Variants in NALF1 observed in about 807,000 individuals in gnomAD.
The protein encoded by NALF1 is NALCN channel auxiliary factor 1, also known as family with sequence similarity 155 member A.
In NALF1, 3 loss-of-function variants were observed where a neutral mutation model predicts 48.4. The observed-to-expected ratio is 0.06, with a 90% CI of 0.03 to 0.16. The LOEUF (loss-of-function observed/expected upper bound fraction) is 0.16. NALF1 is among the 10% of genes least tolerant of loss of function. The pLI, the probability that NALF1 is intolerant of heterozygous loss-of-function variation, is 1.00. For missense variants in NALF1, 526 were observed against 571.5 expected (o/e 0.92, Z 0.81); for synonymous variants, 262 against 245.7 (o/e 1.07, Z -0.62).
chr13:107,175,210 A>T (rs559913486), intron 2 of NALF1, among the ~76,000 whole-genome samples: 40 of 149,138 alleles, frequency 2.7e-4, no homozygotes, highest in African/African-American at 9.7e-4. Context: ...TTATCATCTC[A>T]AAAAGAAAAA....
intron 1 of NALF1, among the ~76,000 whole-genome samples, chr13:107,622,946 T>C (rs1427218159): frequency 1.3e-5 from 2 of 152,174 alleles, no homozygotes; most frequent in Non-Finnish European, 2.9e-5. Flanking sequence ...CAGCACCATA[T>C]AAAATTGTGG....
At chr13:107,842,990 C>G (rs995090162) in intron 1 of NALF1, among the ~76,000 whole-genome samples, 1 of 152,166 alleles carries the variant, frequency 6.6e-6, no homozygotes, top group African/African-American at 2.4e-5. Context: ...CATAGAAGCA[C>G]TCAGGCTCCA....
At chr13:107,808,155 C>T (rs929965196) in intron 1 of NALF1, among the ~76,000 whole-genome samples, 3 of 152,064 alleles carry the variant, frequency 2.0e-5, no homozygotes, top group Non-Finnish European at 4.4e-5. Flanking sequence ...GGCCGATGCA[C>T]TCACAGAAGT....
chr13:107,839,027 A>G (rs1052879201), intron 1 of NALF1, among the ~76,000 whole-genome samples: 8 of 152,086 alleles, frequency 5.3e-5, no homozygotes, highest in African/African-American at 1.9e-4. Context: ...GTTTGAGTCC[A>G]TATCTTGCCC....
chr13:107,294,252 A>G (rs1160864813), intron 1 of NALF1, among the ~76,000 whole-genome samples: 1 of 152,090 alleles, frequency 6.6e-6, no homozygotes, highest in Admixed American at 6.6e-5. Context: ...CCCAGGCACC[A>G]TTTTTTTGCT....
At chr13:107,423,244 A>C (rs1011223680) in intron 1 of NALF1, among the ~76,000 whole-genome samples, 5 of 152,210 alleles carry the variant, frequency 3.3e-5, no homozygotes, top group Non-Finnish European at 7.3e-5. Context: ...AAGGAAACTC[A>C]ATTGAAAATT....
chr13:107,840,263 G>A (rs372335674), intron 1 of NALF1, among the ~76,000 whole-genome samples: 4 of 152,192 alleles, frequency 2.6e-5, no homozygotes, highest in South Asian at 4.1e-4. Context: ...TCTATTTGAA[G>A]AGTATGTAGG....
chr13:107,453,314 C>T (rs552060266), intron 1 of NALF1, among the ~76,000 whole-genome samples: 1 of 152,336 alleles, frequency 6.6e-6, no homozygotes, highest in Admixed American at 6.5e-5. Flanking sequence ...CCAAGCATTT[C>T]CCTATATCCC....
At chr13:107,522,745 A>C (rs1876287702) in intron 1 of NALF1, among the ~76,000 whole-genome samples, 1 of 151,910 alleles carries the variant, frequency 6.6e-6, no homozygotes, top group South Asian at 2.1e-4. Flanking sequence ...CTGAGATTAC[A>C]GGTATGTGAC....
chr13:107,710,828 TAC>T (rs200253641), intron 1 of NALF1, among the ~76,000 whole-genome samples: 2,262 of 44,690 alleles, frequency 0.051, 65 homozygotes, highest in African/African-American at 0.12. Flanking sequence ...TATATACACA[TAC>T]AGAGACACGT....
At chr13:107,182,297 G>T (rs1214705660) in intron 2 of NALF1, among the ~76,000 whole-genome samples, 6 of 151,070 alleles carry the variant, frequency 4.0e-5, no homozygotes, top group African/African-American at 1.5e-4. Context: ...TTGAGACAGG[G>T]TCTGGCTCTG....
intron 1 of NALF1, among the ~76,000 whole-genome samples, chr13:107,847,876 T>C (rs987506379): frequency 6.6e-6 from 1 of 152,236 alleles, no homozygotes; most frequent in African/African-American, 2.4e-5. Context: ...TGAAAATTTG[T>C]TACACAGCAA....
At chr13:107,269,934 T>A (rs1881123294) in intron 1 of NALF1, among the ~76,000 whole-genome samples, 1 of 142,066 alleles carries the variant, frequency 7.0e-6, no homozygotes, top group African/African-American at 2.6e-5. Flanking sequence ...TTTTTTTTTT[T>A]TTTTTTTTTG....
chr13:107,441,271 A>G (rs1884554790), intron 1 of NALF1, among the ~76,000 whole-genome samples: 1 of 152,214 alleles, frequency 6.6e-6, no homozygotes, highest in African/African-American at 2.4e-5. Flanking sequence ...CAGACCAGAC[A>G]TGACCACCTG....
At chr13:107,864,040 T>G (rs1233228716) in intron 1 of NALF1, among the ~76,000 whole-genome samples, 1 of 152,210 alleles carries the variant, frequency 6.6e-6, no homozygotes, top group East Asian at 1.9e-4. Flanking sequence ...CTAGTAGAAT[T>G]AGAAGACGTA....
intron 1 of NALF1, among the ~76,000 whole-genome samples, chr13:107,520,586 C>T (rs528683296): frequency 1.3e-5 from 2 of 152,288 alleles, no homozygotes; most frequent in Non-Finnish European, 2.9e-5. Flanking sequence ...GCCTGGCACC[C>T]AAATAAGCTT....
rs558112839 is a variant in NALF1, at chr13:107,657,268, T to G, written c.915+208414A>C. On this transcript the variant is annotated intron_variant, in intron 1 of 2. Transcript: ENST00000375915. ...TATCCAGTTTACTTCTGTGTGTATA[T>G]AGAGAGAGAGAGAGTGAAATTATAC... Among the ~76,000 whole-genome samples the G allele has an allele frequency of 2.3e-4, 35 of 151,974 alleles. No homozygotes were observed. In the South Asian group the frequency reaches 2.7e-3, roughly 12 times the overall value.
intron 1 of NALF1, among the ~76,000 whole-genome samples, chr13:107,653,596 G>A (rs1220136350): frequency 2.6e-5 from 4 of 151,720 alleles, no homozygotes; most frequent in Non-Finnish European, 4.4e-5. Flanking sequence ...CATATAGATA[G>A]GCCATCCCTG....
intron 1 of NALF1, among the ~76,000 whole-genome samples, chr13:107,217,960 C>T (rs531683299): frequency 1.3e-5 from 2 of 152,160 alleles, no homozygotes; most frequent in East Asian, 1.9e-4. Flanking sequence ...CAGCACCCCA[C>T]CCCATCCCAC....
Sources: allele counts gnomAD v4.1 joint callset (sites outside exome capture counted in the v4.1 genomes callset), GRCh38; gene constraint gnomAD v4.1.1; transcripts MANE v1.5; gene names NCBI Gene and HGNC (gene_info 2026-07-23, HGNC 2026-07-21).